The following SMARCA2 variants were observed in gnomAD, a reference collection of about 807,000 sequenced individuals.
The protein encoded by SMARCA2 is SWI/SNF-related matrix-associated actin-dependent regulator of chromatin subfamily A member 2.
SMARCA2 carries 61 observed loss-of-function variants against 199.8 expected under a neutral mutation model. The ratio of observed to expected loss-of-function variants is 0.31; its 90% CI spans 0.25 to 0.38. The LOEUF (loss-of-function observed/expected upper bound fraction) is 0.38, where lower values mean the gene tolerates loss of function less well. SMARCA2 is among the 10% of genes least tolerant of loss of function. The pLI is 1.00. For synonymous variants in SMARCA2, 935 were observed against 732.0 expected, an observed-to-expected ratio of 1.28 and a Z score of -4.48; for missense variants, 1,344 against 2,012.2, an observed-to-expected ratio of 0.67 and a Z score of 6.35.
chr9:2,081,364 C>G (rs1469737054), intron 14 of SMARCA2, among the ~76,000 whole-genome samples: 1 of 152,188 alleles, frequency 6.6e-6, no homozygotes, highest in African/African-American at 2.4e-5. Flanking sequence ...CTCCTGTGGT[C>G]CCAGCAGAGT....
At chr9:2,019,505 A>G (rs1392745883) in intron 1 of SMARCA2, among the ~76,000 whole-genome samples, 1 of 152,020 alleles carries the variant, frequency 6.6e-6, no homozygotes, top group Non-Finnish European at 1.5e-5. Flanking sequence ...ACAAAAAAAA[A>G]AAAAAAAAAG....
In SMARCA2 at chr9:2,104,206, A is replaced by C. The variant is rs761321017; in HGVS notation, c.3292+37A>C. The C allele has an allele frequency of 6.3e-7, 1 of 1,578,524 alleles. No homozygotes were observed. Among genetic ancestry groups the C allele is most frequent in the Non-Finnish European group, 8.7e-7 (1 of 1,154,674 alleles). On this transcript the variant is annotated intron_variant, in intron 23 of 33. Transcript: ENST00000349721. The surrounding 1 kb of genome is among the most constrained non-coding windows in gnomAD (Gnocchi z 4.0). ...AGGCATTAGGCTCGGAAGCCATACTACTGAAAATGAAGGGATAATGGGCAC... is the reference window on the plus strand; with the variant it reads ...AGGCATTAGGCTCGGAAGCCATACTCCTGAAAATGAAGGGATAATGGGCAC...
intron 4 of SMARCA2, chr9:2,043,845 A>AG (rs1179670063): frequency 6.6e-6 from 1 of 152,234 alleles, no homozygotes; most frequent in African/African-American, 2.4e-5. Context: ...CTGGAGGGCC[A>AG]GAGTTTCTAC....
At chr9:2,181,445 A>C in intron 29 of SMARCA2, 126 bp from the exon 30 acceptor site, 1 of 627,088 alleles carries the variant, frequency 1.6e-6, no homozygotes, top group African/African-American at 1.9e-5. Flanking sequence ...TTCCTGACTT[A>C]AAAAGCTCCA....
chr9:2,046,624 T>G (rs1819855101), intron 4 of SMARCA2, among the ~76,000 whole-genome samples: 1 of 151,522 alleles, frequency 6.6e-6, no homozygotes. Context: ...GTTGCTCTGT[T>G]TGTAAAGCAT....
At chr9:2,124,840 T>A (rs1184934888) in intron 27 of SMARCA2, among the ~76,000 whole-genome samples, 1 of 152,090 alleles carries the variant, frequency 6.6e-6, no homozygotes, top group Admixed American at 6.6e-5. Context: ...TACTTCCCAT[T>A]TTTGGGAGTA....
intron 27 of SMARCA2, among the ~76,000 whole-genome samples, chr9:2,145,173 T>C (rs1302101504): frequency 6.6e-6 from 1 of 151,878 alleles, no homozygotes; most frequent in Non-Finnish European, 1.5e-5. Context: ...GTGGTGCATG[T>C]CTGTAGTCTC....
chr9:2,077,927 ATTC>A, intron 14 of SMARCA2, 151 bp downstream of exon 14: 1 of 690,782 alleles, frequency 1.4e-6, no homozygotes. Flanking sequence ...TGTGCCTATG[ATTC>A]TTCTTTTAGA....
At chr9:2,105,073 G>C (rs1822692797) in intron 23 of SMARCA2, among the ~76,000 whole-genome samples, 1 of 152,054 alleles carries the variant, frequency 6.6e-6, no homozygotes, top group Non-Finnish European at 1.5e-5. Flanking sequence ...CCAACATTTT[G>C]TTTTCCTTTT....
At chr9:2,015,570 G>C (rs1818318295) in intron 1 of SMARCA2, among the ~76,000 whole-genome samples, 166 bp downstream of exon 1, 1 of 151,948 alleles carries the variant, frequency 6.6e-6, no homozygotes, top group Admixed American at 6.6e-5. Context: ...ACAAACAGGC[G>C]GGCCAACCGC....
chr9:2,155,384 G>A (rs1825300565), intron 27 of SMARCA2, among the ~76,000 whole-genome samples: 1 of 152,088 alleles, frequency 6.6e-6, no homozygotes, highest in Non-Finnish European at 1.5e-5. Context: ...CCGGGTTCAA[G>A]CGATTCTCCT....
intron 3 of SMARCA2, among the ~76,000 whole-genome samples, chr9:2,033,869 T>A (rs140200865): frequency 1.3e-4 from 20 of 152,354 alleles, no homozygotes; most frequent in African/African-American, 4.8e-4. Flanking sequence ...GTCCAGATTG[T>A]CTTCTTTTTA....
chr9:2,152,965 T>A (rs11794488), intron 27 of SMARCA2, among the ~76,000 whole-genome samples: 128,392 of 151,836 alleles, frequency 0.85, 54,515 homozygotes, highest in African/African-American at 0.92. Context: ...GCTAGGGAAA[T>A]TGGTGAAGGT....
chr9:2,096,142 G>T (rs1007556667), intron 19 of SMARCA2, among the ~76,000 whole-genome samples: 2 of 152,148 alleles, frequency 1.3e-5, no homozygotes, highest in Non-Finnish European at 2.9e-5. Context: ...AAGAGTAGAA[G>T]TTAATGGTAG....
intron 29 of SMARCA2, among the ~76,000 whole-genome samples, chr9:2,175,312 C>G (rs137990541): frequency 4.0e-5 from 6 of 148,742 alleles, no homozygotes; most frequent in Non-Finnish European, 4.5e-5. Context: ...TCCCCGCCCC[C>G]CCCCAACAAT....
chr9:2,085,966 T>C (rs372194174), intron 17 of SMARCA2: 1 of 152,210 alleles, frequency 6.6e-6, no homozygotes, highest in East Asian at 1.9e-4. Flanking sequence ...GGGAACGTAC[T>C]GTGTAGACAG....
Position 2,021,075 on chromosome 9 carries a change from A to T in SMARCA2, c.-37+5671A>T, listed in dbSNP as rs193215273. 3.1e-3 allele frequency among the ~76,000 whole-genome samples: 479 copies of T among 152,324 alleles called. 2 individuals carry two copies. Among genetic ancestry groups the T allele is most frequent in the African/African-American group, 0.011 (454 of 41,580 alleles). On this transcript the variant is annotated intron_variant, in intron 1 of 33. Transcript: ENST00000349721. ...ATTTACAACAGTTTTTAAAACCACA[A>T]TATTCTATAGTATTTTTAGGTGGAT...
intron 27 of SMARCA2, among the ~76,000 whole-genome samples, chr9:2,142,041 C>T (rs1036903598): frequency 6.6e-6 from 1 of 152,108 alleles, no homozygotes; most frequent in African/African-American, 2.4e-5. Context: ...AGTGGACTTC[C>T]TTCTGCCAAG....
At chr9:2,077,913 T>G (rs1445745588) in intron 14 of SMARCA2, 137 bp downstream of exon 14, 3 of 723,416 alleles carry the variant, frequency 4.1e-6, no homozygotes, top group Non-Finnish European at 6.9e-6. Context: ...GAGGTTCCTT[T>G]CATTGTGCCT....
Sources: gnomAD v4.1 joint callset for allele counts (sites outside exome capture counted in the v4.1 genomes callset) on GRCh38, gnomAD v4.1.1 for gene constraint, Gnocchi (gnomAD v3.1) non-coding constraint, MANE v1.5 for transcripts, NCBI Gene and HGNC (gene_info 2026-07-23, HGNC 2026-07-21) for gene names.